ARSB: variants seen among roughly 807,000 people sequenced by gnomAD.
ARSB encodes arylsulfatase B.
A neutral mutation model predicts 50.9 loss-of-function variants in ARSB; 41 were observed. The ratio of observed to expected loss-of-function variants is 0.81; its 90% CI spans 0.63 to 1.04. The LOEUF is 1.04. Among genes scored for constraint, ARSB ranks in the 50% least tolerant of loss-of-function variants. The pLI is 0.00. For missense variants in ARSB, 672 were observed against 693.3 expected (o/e 0.97, Z 0.35); for synonymous variants, 269 against 284.8 (o/e 0.94, Z 0.56).
At chr5:78,937,491 TAGAA>T (rs1750686503) in intron 4 of ARSB, among the ~76,000 whole-genome samples, 1 of 148,032 alleles carries the variant, frequency 6.8e-6, no homozygotes, top group Admixed American at 6.8e-5. Context: ...TATAAACTCA[TAGAA>T]AGGCCACAGT....
chr5:78,967,398 G>C (rs1325408627), intron 2 of ARSB, among the ~76,000 whole-genome samples: 2 of 152,072 alleles, frequency 1.3e-5, no homozygotes, highest in South Asian at 4.1e-4. Context: ...TCTCAGGCTG[G>C]GCGCGGTGGC....
intron 6 of ARSB, among the ~76,000 whole-genome samples, chr5:78,785,741 A>T (rs1749062150): frequency 6.6e-6 from 1 of 152,242 alleles, no homozygotes; most frequent in Non-Finnish European, 1.5e-5. Context: ...CTATGAATAC[A>T]TCACCTTCCA....
intron 5 of ARSB, among the ~76,000 whole-genome samples, chr5:78,862,999 GA>G (rs1342156706): frequency 6.6e-6 from 1 of 152,098 alleles, no homozygotes; most frequent in Non-Finnish European, 1.5e-5. Context: ...ACAGACGCAT[GA>G]AAAAAATGCT....
intron 6 of ARSB, among the ~76,000 whole-genome samples, chr5:78,827,247 C>T (rs937632516): frequency 2.6e-5 from 4 of 152,026 alleles, no homozygotes; most frequent in African/African-American, 9.7e-5. Context: ...CTTGCTCTGT[C>T]GCCCAGGCTG....
rs1040502813 is a variant in ARSB, at chr5:78,882,401, G to T, written c.1142+3183C>A. ...CTGCTTCTGGGGCCTCCAGTTTGGG[G>T]TATTGTTTTTCAAGCCCCAACATTG... On this transcript the variant is annotated intron_variant, in intron 5 of 7. Transcript: ENST00000264914. Among the ~76,000 whole-genome samples, 15 of 152,156 alleles carry T rather than the reference G, an allele frequency of 9.9e-5. 1 individual carries two copies. In the South Asian group the frequency reaches 3.1e-3, roughly 32 times the overall value.
Position 78,780,398 on chromosome 5 carries a change from T to C in ARSB, c.1601A>G (p.Ter534TrpextTer50), listed in dbSNP as rs1554069655. The change falls in exon 8 of 8, where the codon TAG (stop) becomes TGG (tryptophan). Residue 534 changes from the stop codon to tryptophan, a stop_lost. Coordinates refer to ENST00000264914, the MANE Select transcript of ARSB (RefSeq NM_000046.5). The stretch of plus-strand genomic sequence containing the variant: ...AGGTTTTCTAGCCTCCCTGAAATCC[T>C]ACATCCAAGGGCCCCACACCCCAGT... Reference protein sequence around the residue: ...KATGVWGPWM* With the variant: ...KATGVWGPWMW 6.2e-7 allele frequency: 1 copy of C among 1,614,064 alleles called. No homozygotes were observed. Among genetic ancestry groups the C allele is most frequent in the Non-Finnish European group, 8.5e-7 (1 of 1,179,988 alleles).
chr5:78,877,247 A>G (rs1194767307), intron 5 of ARSB, among the ~76,000 whole-genome samples: 4 of 152,226 alleles, frequency 2.6e-5, no homozygotes, highest in Admixed American at 2.0e-4. Flanking sequence ...GATTTGACTC[A>G]GCAGTGGAGT....
chr5:78,967,343 A>G (rs1270075102), intron 2 of ARSB, among the ~76,000 whole-genome samples: 1 of 152,158 alleles, frequency 6.6e-6, no homozygotes, highest in Non-Finnish European at 1.5e-5. Flanking sequence ...TAACTCTTAT[A>G]GTCTTTTCCT....
At chr5:78,885,890 A>C (rs1462645519) in intron 4 of ARSB, 63 bp from the exon 5 acceptor site, 2 of 1,611,338 alleles carry the variant, frequency 1.2e-6, no homozygotes, top group African/African-American at 2.7e-5. Context: ...TTAAGAACAG[A>C]GACTGTATGT....
At chr5:78,908,569 C>T (rs890239238) in intron 4 of ARSB, among the ~76,000 whole-genome samples, 32 of 152,054 alleles carry the variant, frequency 2.1e-4, no homozygotes, top group Admixed American at 5.2e-4. Flanking sequence ...GCAGCCTGGC[C>T]GGAACACCAA....
In ARSB at chr5:78,964,599, G is replaced by C. The variant is rs1262341745; in HGVS notation, c.507C>G (p.Leu169=). ...RRGFDTYFGY[L]LGSEDYYSHE... is the part of the protein sequence containing the mutation. ...GGGAATAATAATCTTCACTACCCAG[G>C]AGATATCCTGCAAGAATGGAAGACG... is the stretch of plus-strand genomic sequence containing the variant. The change falls in exon 3 of 8, where the codon CTC becomes CTG. Residue 169 remains leucine, a synonymous_variant. Coordinates refer to ENST00000264914, the MANE Select transcript of ARSB (RefSeq NM_000046.5). 1 of 1,613,078 alleles carries C rather than the reference G, an allele frequency of 6.2e-7. No homozygotes were observed. Among genetic ancestry groups the C allele is most frequent in the Non-Finnish European group, 8.5e-7 (1 of 1,179,864 alleles).
chr5:78,947,908 T>C (rs960744330), intron 4 of ARSB, among the ~76,000 whole-genome samples: 2 of 152,086 alleles, frequency 1.3e-5, no homozygotes, highest in Non-Finnish European at 2.9e-5. Flanking sequence ...GATGCATGGA[T>C]AAAGAAAATG....
intron 6 of ARSB, among the ~76,000 whole-genome samples, chr5:78,792,167 C>T (rs1460299362): frequency 6.6e-6 from 1 of 151,908 alleles, no homozygotes; most frequent in Non-Finnish European, 1.5e-5. Flanking sequence ...TCACTTGAGG[C>T]CAGGAGTTCG....
chr5:78,811,905 T>TTG (rs1293418208), intron 6 of ARSB, among the ~76,000 whole-genome samples: 2 of 152,280 alleles, frequency 1.3e-5, no homozygotes, highest in Non-Finnish European at 2.9e-5. Flanking sequence ...ATGAAAAAGT[T>TTG]AACAGTGTAT....
chr5:78,909,976 G>A (rs1204489273), intron 4 of ARSB, among the ~76,000 whole-genome samples: 3 of 152,252 alleles, frequency 2.0e-5, no homozygotes, highest in Non-Finnish European at 4.4e-5. Flanking sequence ...TGGCAGCAAT[G>A]CTGCTCTGCT....
intron 5 of ARSB, among the ~76,000 whole-genome samples, chr5:78,846,673 T>C (rs6896262): frequency 0.049 from 7,458 of 152,270 alleles, 586 homozygotes; most frequent in African/African-American, 0.17. Flanking sequence ...GTTTTCTGTA[T>C]ATATGATGAT....
chr5:78,798,627 T>G (rs982182576), intron 6 of ARSB, among the ~76,000 whole-genome samples: 4 of 152,310 alleles, frequency 2.6e-5, no homozygotes, highest in Admixed American at 2.0e-4. Context: ...GAAAGACGTG[T>G]CTAGGCTCTG....
At chr5:78,825,680 T>C (rs1242603881) in intron 6 of ARSB, among the ~76,000 whole-genome samples, 2 of 152,236 alleles carry the variant, frequency 1.3e-5, no homozygotes, top group Non-Finnish European at 2.9e-5. Context: ...TTAAGCTGAC[T>C]TTCTCATTCC....
intron 4 of ARSB, among the ~76,000 whole-genome samples, chr5:78,905,361 T>C (rs1435239472): frequency 1.3e-5 from 2 of 150,704 alleles, no homozygotes; most frequent in Non-Finnish European, 3.0e-5. Context: ...TTTTTTTGTA[T>C]AATGAGTAAT....
Sources: allele counts gnomAD v4.1 joint callset (sites outside exome capture counted in the v4.1 genomes callset), GRCh38; gene constraint gnomAD v4.1.1; transcripts MANE v1.5; gene names NCBI Gene and HGNC (gene_info 2026-07-23, HGNC 2026-07-21).